Variants in SLC39A14 observed in about 807,000 individuals in gnomAD.
The protein encoded by SLC39A14 is metal cation symporter ZIP14.
Under a neutral mutation model 45.5 loss-of-function variants are expected in SLC39A14, and 19 were observed. The observed-to-expected ratio is 0.42, with a 90% CI of 0.29 to 0.61. The LOEUF is 0.61. Ranked by LOEUF, SLC39A14 falls within the 20% of genes least tolerant of loss-of-function variation. SLC39A14 has a pLI of 0.22. For synonymous variants in SLC39A14, 264 were observed against 251.3 expected (o/e 1.05, Z -0.48); for missense variants, 447 against 616.5 (o/e 0.73, Z 2.91).
chr8:22,378,795 A>T (rs1378953085), intron 1 of SLC39A14, among the ~76,000 whole-genome samples: 7 of 152,180 alleles, frequency 4.6e-5, no homozygotes, highest in Non-Finnish European at 7.3e-5. Context: ...CCGCCCATAC[A>T]CAGCAATGAG....
rs541283008 is a variant in SLC39A14 at position 22,412,028 on chromosome 8, G to T, written c.458-9G>T. 4 of 1,548,988 alleles carry T rather than the reference G, an allele frequency of 2.6e-6. No individual in the cohort carries two copies. The East Asian group carries it at 7.3e-5, about 28-fold the overall frequency. ...CCTGGGTGGGGCTGGCCCTCCCTCC[G>T]CACGGCAGTGTGGGGATACGGTCTC... On this transcript the variant is annotated splice_polypyrimidine_tract_variant and intron_variant, in intron 3 of 8. Coordinates refer to ENST00000381237, the MANE Select transcript of SLC39A14 (RefSeq NM_001128431.4).
In SLC39A14 at chr8:22,384,445, TA is replaced by T. The variant is rs1028293844; in HGVS notation, c.-16+17051del. Among the ~76,000 whole-genome samples the T allele has an allele frequency of 3.3e-3, 462 of 138,106 alleles. 2 individuals carry two copies. Among genetic ancestry groups the T allele is most frequent in the African/African-American group, 6.8e-3 (259 of 37,974 alleles). The allele number at this position is 138,106 out of a possible 152,430, so 90.6% of individuals were successfully genotyped here. A position where few individuals can be genotyped will look rare whatever the true frequency, so the allele number is the denominator to read the frequency against. On this transcript the variant is annotated intron_variant, in intron 1 of 8. Transcript: ENST00000381237. ...CCCCACCCCACCTCACTTTATGTTT[TA>T]AAAAAAAAAAAAACAACTCTGGCGG...
intron 1 of SLC39A14, among the ~76,000 whole-genome samples, chr8:22,375,576 C>A (rs1833172148): frequency 1.3e-5 from 2 of 152,058 alleles, no homozygotes; most frequent in African/African-American, 4.8e-5. Context: ...ACCTCCGCCT[C>A]CCAGGTTCAA....
intron 1 of SLC39A14, among the ~76,000 whole-genome samples, chr8:22,397,868 T>A (rs2132276584): frequency 6.6e-6 from 1 of 152,260 alleles, no homozygotes; most frequent in East Asian, 1.9e-4. Flanking sequence ...GATGCAGAAA[T>A]GAGCTGTTTT....
intron 4 of SLC39A14, among the ~76,000 whole-genome samples, chr8:22,412,753 G>C (rs1835650886): frequency 6.6e-6 from 1 of 152,114 alleles, no homozygotes; most frequent in South Asian, 2.1e-4. Context: ...AGACCAGCCT[G>C]GCCAACATGG....
downstream of SLC39A14, among the ~76,000 whole-genome samples, chr8:22,427,414 C>T (rs948296302): frequency 9.2e-5 from 14 of 152,044 alleles, no homozygotes; most frequent in African/African-American, 2.4e-4. Flanking sequence ...TTGATGTCAA[C>T]CTTTGGGTTT....
At chr8:22,384,744 TA>T (rs34292650) in intron 1 of SLC39A14, among the ~76,000 whole-genome samples, 3,999 of 117,288 alleles carry the variant, frequency 0.034, 176 homozygotes, top group African/African-American at 0.12. Flanking sequence ...GAGACTGTCT[TA>T]AAAAAAAAAA....
chr8:22,420,223 T>C lies in SLC39A14; in HGVS notation c.*525T>C. 1 of 985,736 alleles carries C rather than the reference T, an allele frequency of 1.0e-6. No individual in the cohort carries two copies. Among genetic ancestry groups the C allele is most frequent in the Non-Finnish European group, 1.2e-6 (1 of 830,222 alleles). The allele number at this position is 985,736 out of a possible 1,614,324, so 61.1% of individuals were successfully genotyped here. On this transcript the variant is annotated 3_prime_UTR_variant, in exon 9 of 9. Coordinates refer to ENST00000381237, the MANE Select transcript of SLC39A14 (RefSeq NM_001128431.4). ...AGTCTGTTTAATTGCCTATTACTTC[T>C]CTCAAAGAGAACCTGAAGTCAGAAC... is the stretch of plus-strand genomic sequence containing the variant.
In SLC39A14 at chr8:22,412,104, G is replaced by A. The variant is rs1271091559; in HGVS notation, c.525G>A (p.Val175=). The A allele has an allele frequency of 1.9e-6, 3 of 1,551,664 alleles. No individual in the cohort carries two copies. The highest frequency in any genetic ancestry group is 2.0e-5 in the Admixed American group (1 of 51,002). Residue 175 remains valine (V), a synonymous_variant, in exon 4 of 9, where the codon GTG becomes GTA. Coordinates refer to ENST00000381237, the MANE Select transcript of SLC39A14 (RefSeq NM_001128431.4). ...GCTCCCTCCTGGGGGCCAGCGTGGTGCCCTTCATGAAGAAGACCTTTTACA... is the reference window on the plus strand; with the variant it reads ...GCTCCCTCCTGGGGGCCAGCGTGGTACCCTTCATGAAGAAGACCTTTTACA... ...SLCSLLGASV[V]PFMKKTFYKR... is the part of the protein sequence containing the mutation.
chr8:22,382,894 T>G (rs1339135978), intron 1 of SLC39A14, among the ~76,000 whole-genome samples: 1 of 152,002 alleles, frequency 6.6e-6, no homozygotes, highest in Non-Finnish European at 1.5e-5. Flanking sequence ...TTTTTTTTTT[T>G]TTTGGTAGAG....
downstream of SLC39A14, among the ~76,000 whole-genome samples, chr8:22,425,149 C>T (rs528824957): frequency 3.3e-5 from 5 of 151,710 alleles, no homozygotes; most frequent in African/African-American, 9.7e-5. Flanking sequence ...GTGATGGTTT[C>T]GCTTATGCTT....
chr8:22,415,882 G>T lies in SLC39A14; in HGVS notation c.864G>T (p.Gln288His). The change falls in exon 6 of 9, where the codon CAG becomes CAT. Residue 288 changes from glutamine to histidine, a missense_variant. By Grantham distance (24) the Gln-to-His change is conservative. Coordinates refer to ENST00000381237, the MANE Select transcript of SLC39A14 (RefSeq NM_001128431.4). ...QNGDLDHMIP[Q>H]HCSSELDGKA... The stretch of plus-strand genomic sequence containing the variant: ...GGGACCTGGACCACATGATTCCTCA[G>T]CACTGCAGCAGTGAGCTGGACGGCA... 6.2e-7 allele frequency: 1 copy of T among 1,613,032 alleles called. No individual in the cohort carries two copies. The highest frequency in any genetic ancestry group is 8.5e-7 in the Non-Finnish European group (1 of 1,179,712).
chr8:22,396,323 C>T (rs12375444), intron 1 of SLC39A14, among the ~76,000 whole-genome samples: 20,536 of 145,028 alleles, frequency 0.14, 1,422 homozygotes, highest in East Asian at 0.19. Context: ...GCCGAGATCA[C>T]GCCACTGCAC....
chr8:22,415,586 G>A (rs748575573), intron 5 of SLC39A14, 183 bp from the exon 6 acceptor site: 32 of 570,810 alleles, frequency 5.6e-5, no homozygotes, highest in African/African-American at 1.1e-4. Context: ...GTGAGCCACC[G>A]TGCCCGACCA....
At chr8:22,426,238 C>T (rs1383714206), downstream of SLC39A14, among the ~76,000 whole-genome samples, 2 of 152,070 alleles carry the variant, frequency 1.3e-5, no homozygotes, top group East Asian at 3.9e-4. Flanking sequence ...CTCTGTCACT[C>T]AGGCTAGAGT....
intron 1 of SLC39A14, among the ~76,000 whole-genome samples, chr8:22,374,315 G>A (rs1563475836): frequency 6.6e-6 from 1 of 152,106 alleles, no homozygotes; most frequent in African/African-American, 2.4e-5. Context: ...CTCCATTCCC[G>A]AGATGCTTGT....
chr8:22,430,971 T>G (rs1426873054), intron 8 of SLC39A14, among the ~76,000 whole-genome samples: 1 of 144,300 alleles, frequency 6.9e-6, no homozygotes, highest in African/African-American at 2.6e-5. Context: ...CCGCAGCCGG[T>G]CTGGGACTCC....
chr8:22,394,252 G>C (rs1363682848), intron 1 of SLC39A14, among the ~76,000 whole-genome samples: 1 of 151,436 alleles, frequency 6.6e-6, no homozygotes, highest in Admixed American at 6.6e-5. Flanking sequence ...TGATCCACCT[G>C]CCTCAGCCTC....
chr8:22,416,543 G>T (rs1013059678), intron 7 of SLC39A14, among the ~76,000 whole-genome samples: 1 of 151,898 alleles, frequency 6.6e-6, no homozygotes, highest in Non-Finnish European at 1.5e-5. Flanking sequence ...TCCTGCCTCA[G>T]TCTCCCAAGT....
Sources: gnomAD v4.1 joint callset for allele counts (sites outside exome capture counted in the v4.1 genomes callset) on GRCh38, gnomAD v4.1.1 for gene constraint, MANE v1.5 for transcripts, NCBI Gene and HGNC (gene_info 2026-07-23, HGNC 2026-07-21) for gene names.